Variants in C3orf18 observed in about 807,000 individuals in gnomAD.
The protein encoded by C3orf18 is uncharacterized protein C3orf18.
A neutral mutation model predicts 14.1 loss-of-function variants in C3orf18; 12 were observed. That is an observed-to-expected ratio of 0.85 (90% CI 0.55 to 1.38). C3orf18 has a LOEUF of 1.38. C3orf18 is among the 40% of genes most tolerant of loss of function. The pLI, the probability that C3orf18 is intolerant of heterozygous loss-of-function variation, is 0.00. For synonymous variants in C3orf18, 82 were observed against 87.9 expected (o/e 0.93, Z 0.38); for missense variants, 196 against 213.9 (o/e 0.92, Z 0.52).
At chr3:50,563,528 C>T (rs900868073) in intron 3 of C3orf18, among the ~76,000 whole-genome samples, 3 of 152,174 alleles carry the variant, frequency 2.0e-5, no homozygotes, top group African/African-American at 7.2e-5. Flanking sequence ...GTGCAGCCCC[C>T]TCTCCTCCAG....
At chr3:50,562,660 CA>C (rs1361491109) in intron 3 of C3orf18, 2 of 407,144 alleles carry the variant, frequency 4.9e-6, no homozygotes, top group Non-Finnish European at 9.9e-6. Flanking sequence ...TGGCTCTAGG[CA>C]AGGCCCTGAG....
At chr3:50,572,779 G>A (rs1429731327), upstream of C3orf18, among the ~76,000 whole-genome samples, 1 of 152,246 alleles carries the variant, frequency 6.6e-6, no homozygotes, top group Non-Finnish European at 1.5e-5. Context: ...CTAGGGATGT[G>A]TGGCGCAAGT....
upstream of C3orf18, chr3:50,571,995 C>A: frequency 6.6e-7 from 1 of 1,517,786 alleles, no homozygotes; most frequent in Non-Finnish European, 8.9e-7. Flanking sequence ...TCAGGAGTCC[C>A]AAGGCCCTGG....
At chr3:50,569,793 T>A (rs1223486127), upstream of C3orf18, 1 of 152,272 alleles carries the variant, frequency 6.6e-6, no homozygotes, top group African/African-American at 2.4e-5. Context: ...GAGCCGCTTC[T>A]GGAGTCTGGT....
Position 50,565,537 on chromosome 3 carries a change from C to T in C3orf18, c.163G>A (p.Gly55Ser), listed in dbSNP as rs780761935. 9 of 1,613,922 alleles carry T rather than the reference C, an allele frequency of 5.6e-6. No individual in the cohort carries two copies. The highest frequency in any genetic ancestry group is 6.8e-6 in the Non-Finnish European group (8 of 1,180,026). The stretch of plus-strand genomic sequence containing the variant: ...AGCATGGTACCCACGCCGGCCGTGC[C>T]ACCAGCTGCATCAGGGATTCTGGTG... ...NDTRIPDAAG[G>S]TAGVGTMLLS... is the part of the protein sequence containing the mutation. Residue 55 changes from glycine (G) to serine (S), a missense_variant, in exon 3 of 6, where the codon GGC becomes AGC. Transcript: ENST00000357203. This position sits in a 1 kb window ranked among gnomAD's most constrained non-coding sequence, Gnocchi z 4.4.
chr3:50,560,893 G>T (rs754381459), intron 5 of C3orf18, 24 bp downstream of exon 5: 1 of 1,586,516 alleles, frequency 6.3e-7, no homozygotes, highest in East Asian at 2.3e-5. Context: ...TGCAGGCGGG[G>T]TGGGGAGCCT....
intron 3 of C3orf18, 121 bp from the exon 4 acceptor site, chr3:50,561,868 T>C (rs775762084): frequency 2.1e-6 from 2 of 933,012 alleles, no homozygotes; most frequent in African/African-American, 3.2e-5. Context: ...CCCGTCCTAA[T>C]GACACATACA....
At chr3:50,571,526 G>A, upstream of C3orf18, 4 of 698,958 alleles carry the variant, frequency 5.7e-6, no homozygotes, top group South Asian at 3.4e-5. Flanking sequence ...AGTGTTCTGG[G>A]ATAGACACCT....
rs552433772 is a variant in C3orf18 at position 50,565,228 on chromosome 3, G to A, written c.234+238C>T. ...CTAAAAATACAAAAATTAGCCGGGC[G>A]TGGCAGCTCACACCTGTAATCCCAG... On this transcript the variant is annotated intron_variant, in intron 3 of 5. Transcript: ENST00000357203. The surrounding 1 kb of genome is among the most constrained non-coding windows in gnomAD (Gnocchi z 4.4). Among the ~76,000 whole-genome samples, 8 of 152,212 alleles carry A rather than the reference G, an allele frequency of 5.3e-5. No individual in the cohort carries two copies. The highest frequency in any genetic ancestry group is 1.3e-4 in the Admixed American group (2 of 15,300).
At chr3:50,568,988 C>T (rs551711345), upstream of C3orf18, among the ~76,000 whole-genome samples, 1 of 152,210 alleles carries the variant, frequency 6.6e-6, no homozygotes, top group South Asian at 2.1e-4. Flanking sequence ...GGGCCACTGA[C>T]CTCGGTAGGG....
chr3:50,571,690 T>G, upstream of C3orf18: 1 of 1,613,078 alleles, frequency 6.2e-7, no homozygotes, highest in Non-Finnish European at 8.5e-7. Flanking sequence ...GCCAGCCACT[T>G]ATATTCTCTG....
chr3:50,564,774 ACT>A (rs765835077), intron 3 of C3orf18, among the ~76,000 whole-genome samples: 9 of 151,766 alleles, frequency 5.9e-5, no homozygotes, highest in Non-Finnish European at 1.3e-4. Context: ...TCTTACCCAG[ACT>A]CTGCAGCCCA....
chr3:50,573,264 C>T (rs901136966), upstream of C3orf18, among the ~76,000 whole-genome samples: 2 of 152,294 alleles, frequency 1.3e-5, no homozygotes, highest in Middle Eastern at 3.4e-3. Context: ...CTCAGAGCCC[C>T]ATCCCTCACA....
At position 50,558,344 on chromosome 3, in the gene C3orf18, T is replaced by A. The variant is rs1235901126; in HGVS notation, c.*1313A>T. 1 of 244,312 alleles carries A rather than the reference T, an allele frequency of 4.1e-6. No individual in the cohort carries two copies. Among genetic ancestry groups the A allele is most frequent in the Non-Finnish European group, 8.1e-6 (1 of 122,924 alleles). 15.1% of individuals were successfully genotyped at this position (244,312 alleles called of 1,614,324 possible). ...CTGTGCATGCTTGTGTGCATATGTA[T>A]GCCCAGCGTAAAAAAATGCCCTGCT... On this transcript the variant is annotated 3_prime_UTR_variant, in exon 6 of 6. Coordinates refer to ENST00000357203, the MANE Select transcript of C3orf18 (RefSeq NM_016210.5).
Position 50,565,278 on chromosome 3 carries a change from A to G in C3orf18, c.234+188T>C, listed in dbSNP as rs960654143. ...GCTACTTGGGAGGCTGAGGCAGGAGACTCGATTAAGCCCCAGAGGTGGAGG... is the reference window on the plus strand; with the variant it reads ...GCTACTTGGGAGGCTGAGGCAGGAGGCTCGATTAAGCCCCAGAGGTGGAGG... On this transcript the variant is annotated intron_variant, in intron 3 of 5. Transcript: ENST00000357203. The surrounding 1 kb of genome is among the most constrained non-coding windows in gnomAD (Gnocchi z 4.4). The G allele has an allele frequency of 2.1e-5, 12 of 578,082 alleles. No homozygotes were observed. Among genetic ancestry groups the G allele is most frequent in the Non-Finnish European group, 2.8e-5 (9 of 324,566 alleles). The allele number at this position is 578,082 out of a possible 1,614,324, so 35.8% of individuals were successfully genotyped here.
At position 50,561,731 on chromosome 3, in the gene C3orf18, T is replaced by C; in HGVS notation, c.251A>G (p.Lys84Arg). Residue 84 changes from lysine to arginine, a missense_variant, in exon 4 of 6, where the codon AAG (lysine) becomes AGG (arginine). By Grantham distance (26) the Lys-to-Arg change is conservative. Coordinates refer to ENST00000357203, the MANE Select transcript of C3orf18 (RefSeq NM_016210.5). ...TTGGGTGGGGAATTACCTCTTCTTC[T>C]TCCTGATGTACAAAACCTGCAAGAG... ...LAVALVLYIR[K>R]KKRLEKLRHQ... The C allele has an allele frequency of 6.2e-7, 1 of 1,613,752 alleles. No individual in the cohort carries two copies. Among genetic ancestry groups the C allele is most frequent in the Non-Finnish European group, 8.5e-7 (1 of 1,180,010 alleles).
chr3:50,564,464 G>A (rs761858421), intron 3 of C3orf18, among the ~76,000 whole-genome samples: 1 of 152,100 alleles, frequency 6.6e-6, no homozygotes, highest in African/African-American at 2.4e-5. Flanking sequence ...CTCATGACAC[G>A]GAGGCCAGGC....
At position 50,567,671 on chromosome 3, in the gene C3orf18, T is replaced by G. The variant is rs1483085818; in HGVS notation, c.-460A>C. On this transcript the variant is annotated 5_prime_UTR_variant, in exon 1 of 6. Transcript: ENST00000357203. ...GAGCGCTGGCTCTGCCGGCCTGAGCTAGGGTGGGTAGGGCCGGGACCCACG... is the reference window on the plus strand; with the variant it reads ...GAGCGCTGGCTCTGCCGGCCTGAGCGAGGGTGGGTAGGGCCGGGACCCACG... 1 of 152,158 alleles carries G rather than the reference T, an allele frequency of 6.6e-6. No homozygotes were observed. The highest frequency in any genetic ancestry group is 1.5e-5 in the Non-Finnish European group (1 of 68,034). The allele number at this position is 152,158 out of a possible 1,614,324, so 9.4% of individuals were successfully genotyped here. A position where few individuals can be genotyped will look rare whatever the true frequency, so the allele number is the denominator to read the frequency against.
upstream of C3orf18, chr3:50,571,285 C>G (rs576388302): frequency 3.7e-6 from 6 of 1,611,756 alleles, no homozygotes; most frequent in South Asian, 4.4e-5. Context: ...CCCTGAGGCC[C>G]GGGAATCCAG....
Sources: allele counts gnomAD v4.1 joint callset (sites outside exome capture counted in the v4.1 genomes callset), GRCh38; gene constraint gnomAD v4.1.1; non-coding constraint Gnocchi (gnomAD v3.1); transcripts MANE v1.5; gene names NCBI Gene and HGNC (gene_info 2026-07-23, HGNC 2026-07-21).